The following PHACTR3 variants were observed in gnomAD, a reference collection of about 807,000 sequenced individuals.
The protein encoded by PHACTR3 is phosphatase and actin regulator 3, also known as protein phosphatase 1, regulatory subunit 123.
A neutral mutation model predicts 66.8 loss-of-function variants in PHACTR3; 16 were observed. The ratio of observed to expected loss-of-function variants is 0.24; its 90% CI spans 0.16 to 0.36. The LOEUF is 0.36. Among genes scored for constraint, PHACTR3 ranks in the 10% least tolerant of loss-of-function variants. The pLI is 1.00. For missense variants in PHACTR3, 647 were observed against 719.9 expected (o/e 0.90, Z 1.16); for synonymous variants, 323 against 292.1 (o/e 1.11, Z -1.08).
At chr20:59,842,516 A>T (rs2059081844) in intron 11 of PHACTR3, among the ~76,000 whole-genome samples, 1 of 151,930 alleles carries the variant, frequency 6.6e-6, no homozygotes, top group Non-Finnish European at 1.5e-5. Context: ...AGAATAATAT[A>T]CCCCTAAAGT....
chr20:59,761,522 G>A (rs369126303), intron 4 of PHACTR3, among the ~76,000 whole-genome samples: 1 of 152,238 alleles, frequency 6.6e-6, no homozygotes, highest in African/African-American at 2.4e-5. Flanking sequence ...GTAACTGGCT[G>A]CAAAGTGTGT....
intron 5 of PHACTR3, among the ~76,000 whole-genome samples, chr20:59,771,269 A>C (rs2040350300): frequency 6.6e-6 from 1 of 152,110 alleles, no homozygotes; most frequent in South Asian, 2.1e-4. Flanking sequence ...GGTTAGAGAC[A>C]GAGGGGCTGG....
chr20:59,723,071 T>TTTC (rs781576367), intron 1 of PHACTR3, among the ~76,000 whole-genome samples: 1 of 124,004 alleles, frequency 8.1e-6, no homozygotes, highest in Non-Finnish European at 1.6e-5. Flanking sequence ...TCTTTCTTTC[T>TTTC]TTCTTTCTTT....
intron 1 of PHACTR3, among the ~76,000 whole-genome samples, chr20:59,717,758 T>G (rs889961422): frequency 4.2e-4 from 64 of 152,224 alleles, no homozygotes; most frequent in Non-Finnish European, 6.2e-4. Flanking sequence ...AAAGGTGTGG[T>G]TTTTTTGACT....
chr20:59,703,712 T>C (rs1349627692), intron 1 of PHACTR3, among the ~76,000 whole-genome samples: 1 of 152,056 alleles, frequency 6.6e-6, no homozygotes, highest in Non-Finnish European at 1.5e-5. Context: ...TGAGTGTGTG[T>C]GTGTGTAATT....
chr20:59,836,733 C>A lies in PHACTR3; in HGVS notation c.1384+173C>A, dbSNP rs548854731. On this transcript the variant is annotated intron_variant, in intron 9 of 12. Transcript: ENST00000371015. ...CAAGCCCCAAAGGAAAGCTGATATA[C>A]CTAGAAACATTTTTTTTAATTTAAA... Among the ~76,000 whole-genome samples, 220 of 152,190 alleles carry A rather than the reference C, an allele frequency of 1.4e-3. 1 individual carries two copies. The highest frequency in any genetic ancestry group is 1.2e-3 in the Non-Finnish European group (81 of 68,008).
At chr20:59,822,607 C>T (rs904898668) in intron 8 of PHACTR3, among the ~76,000 whole-genome samples, 1 of 152,028 alleles carries the variant, frequency 6.6e-6, no homozygotes, top group African/African-American at 2.4e-5. Context: ...GGTCTGGGTC[C>T]GGTGGAAATG....
chr20:59,684,344 A>G (rs2036777147), intron 1 of PHACTR3, among the ~76,000 whole-genome samples: 1 of 152,222 alleles, frequency 6.6e-6, no homozygotes, highest in African/African-American at 2.4e-5. Context: ...AGAATGAAGC[A>G]GCAAAGAGCT....
Position 59,820,189 on chromosome 20 carries a change from TC to T in PHACTR3, c.1328+13997del. On this transcript the variant is annotated intron_variant, in intron 8 of 12. Transcript: ENST00000371015. This position sits in a 1 kb window ranked among gnomAD's most constrained non-coding sequence, Gnocchi z 4.6. ...GTCTGCCTGTGAACACTGCAGAGCC[TC>T]CAAGGTCAAGAAGACCACCAAGATT... 6.6e-6 allele frequency among the ~76,000 whole-genome samples: 1 copy of T among 152,282 alleles called. No homozygotes were observed. The highest frequency in any genetic ancestry group is 6.5e-5 in the Admixed American group (1 of 15,294).
chr20:59,776,590 A>G (rs1337434553), intron 7 of PHACTR3, among the ~76,000 whole-genome samples: 2 of 152,146 alleles, frequency 1.3e-5, no homozygotes, highest in Non-Finnish European at 2.9e-5. Flanking sequence ...ACTTTCCTTT[A>G]GGGCATTGTT....
At chr20:59,683,220 G>A (rs1454622838) in intron 1 of PHACTR3, among the ~76,000 whole-genome samples, 1 of 152,356 alleles carries the variant, frequency 6.6e-6, no homozygotes. Context: ...GGGGAAGGCC[G>A]TGGTGGAGCA....
chr20:59,756,906 C>A (rs2039815375), intron 4 of PHACTR3, among the ~76,000 whole-genome samples: 1 of 152,024 alleles, frequency 6.6e-6, no homozygotes, highest in African/African-American at 2.4e-5. Flanking sequence ...AAAGAAACTC[C>A]CATTGGAGTG....
Position 59,779,813 on chromosome 20 carries a change from G to T in PHACTR3, c.1174+5323G>T, listed in dbSNP as rs549767858. Among the ~76,000 whole-genome samples the T allele has an allele frequency of 1.3e-3, 191 of 152,386 alleles. 1 individual carries two copies. Among genetic ancestry groups the T allele is most frequent in the Admixed American group, 0.011 (175 of 15,314 alleles). On this transcript the variant is annotated intron_variant, in intron 7 of 12. Coordinates refer to ENST00000371015, the MANE Select transcript of PHACTR3 (RefSeq NM_080672.5). ...CATGCGTGCCCACACACACAGGCTTGCACATGGGGTGCCTTCGTGGGTATG... is the reference window on the plus strand; with the variant it reads ...CATGCGTGCCCACACACACAGGCTTTCACATGGGGTGCCTTCGTGGGTATG...
At chr20:59,645,823 AGT>A (rs1568956946) in intron 1 of PHACTR3, among the ~76,000 whole-genome samples, 12 of 152,158 alleles carry the variant, frequency 7.9e-5, no homozygotes, top group Admixed American at 6.5e-4. Context: ...CATCTAGCTC[AGT>A]GCCTGGCACA....
At chr20:59,584,074 T>C (rs1164910980) in intron 1 of PHACTR3, among the ~76,000 whole-genome samples, 2 of 152,204 alleles carry the variant, frequency 1.3e-5, no homozygotes, top group Non-Finnish European at 2.9e-5. Context: ...GAAACACAAG[T>C]GAGCGCGTGG....
chr20:59,788,106 C>T (rs1438078554), intron 7 of PHACTR3, among the ~76,000 whole-genome samples: 2 of 152,162 alleles, frequency 1.3e-5, no homozygotes, highest in Admixed American at 6.5e-5. Context: ...TTGCCCCCCT[C>T]CCACTCTTCT....
chr20:59,832,244 G>C (rs2042405814), intron 8 of PHACTR3, among the ~76,000 whole-genome samples: 1 of 150,946 alleles, frequency 6.6e-6, no homozygotes, highest in Non-Finnish European at 1.5e-5. Flanking sequence ...CTGTAATGTT[G>C]GCAAAGTAAT....
intron 1 of PHACTR3, among the ~76,000 whole-genome samples, chr20:59,663,537 T>G (rs1165030247): frequency 6.6e-6 from 1 of 152,226 alleles, no homozygotes; most frequent in Non-Finnish European, 1.5e-5. Context: ...TCACTCTTAC[T>G]TAGTGAAAGC....
At chr20:59,701,712 C>A (rs1431464880) in intron 1 of PHACTR3, among the ~76,000 whole-genome samples, 2 of 152,198 alleles carry the variant, frequency 1.3e-5, no homozygotes, top group Non-Finnish European at 1.5e-5. Context: ...AACTGATCAA[C>A]AAATGTTGAT....
Sources: allele counts gnomAD v4.1 joint callset (sites outside exome capture counted in the v4.1 genomes callset), GRCh38; gene constraint gnomAD v4.1.1; non-coding constraint Gnocchi (gnomAD v3.1); transcripts MANE v1.5; gene names NCBI Gene and HGNC (gene_info 2026-07-23, HGNC 2026-07-21).